Variants in RGL1 observed in about 807,000 individuals in gnomAD.
RGL1 encodes ral guanine nucleotide dissociation stimulator-like 1.
A neutral mutation model predicts 95.2 loss-of-function variants in RGL1; 24 were observed. That is an observed-to-expected ratio of 0.25 (90% confidence interval 0.18 to 0.35). The LOEUF (loss-of-function observed/expected upper bound fraction) is 0.35. RGL1 is among the 10% of genes least tolerant of loss of function. RGL1 has a pLI of 1.00. For synonymous variants in RGL1, 329 were observed against 344.9 expected (o/e 0.95, Z 0.51); for missense variants, 715 against 936.3 (o/e 0.76, Z 3.08).
chr1:183,854,517 C>T (rs1665019629), intron 3 of RGL1, among the ~76,000 whole-genome samples: 1 of 152,178 alleles, frequency 6.6e-6, no homozygotes, highest in African/African-American at 2.4e-5. Flanking sequence ...TTAGTGCAAC[C>T]AGTTCCTCCA....
chr1:183,834,856 A>T (rs978548388), intron 2 of RGL1, among the ~76,000 whole-genome samples: 11 of 150,634 alleles, frequency 7.3e-5, no homozygotes, highest in Non-Finnish European at 5.9e-5. Context: ...TAATTTTCTA[A>T]TTTTTTTTTA....
At chr1:183,763,320 T>C (rs1658802508) in intron 2 of RGL1, among the ~76,000 whole-genome samples, 1 of 152,108 alleles carries the variant, frequency 6.6e-6, no homozygotes. Flanking sequence ...TAAACCACTA[T>C]GGCACATGTA....
chr1:183,890,059 T>G (rs917089773), intron 8 of RGL1, among the ~76,000 whole-genome samples: 1 of 152,098 alleles, frequency 6.6e-6, no homozygotes, highest in Admixed American at 6.6e-5. Flanking sequence ...ATCAGAAGCA[T>G]GCAGTGTCCC....
chr1:183,807,622 T>C (rs1661432485), intron 2 of RGL1, among the ~76,000 whole-genome samples: 1 of 152,228 alleles, frequency 6.6e-6, no homozygotes, highest in Non-Finnish European at 1.5e-5. Flanking sequence ...GCCATGAGTC[T>C]GCTGACACAG....
At chr1:183,732,178 A>G (rs1656667370) in intron 1 of RGL1, among the ~76,000 whole-genome samples, 1 of 152,126 alleles carries the variant, frequency 6.6e-6, no homozygotes, top group Admixed American at 6.6e-5. Flanking sequence ...TATTTGCATG[A>G]TTGCTGTTGT....
At chr1:183,916,722 C>G (rs377011237) in intron 16 of RGL1, 21 bp downstream of exon 16, 13 of 1,602,130 alleles carry the variant, frequency 8.1e-6, no homozygotes, top group Non-Finnish European at 1.0e-5. Flanking sequence ...AGCCCTGACC[C>G]AGGAGCGGGT....
chr1:183,763,643 C>T (rs1310840193), intron 2 of RGL1, among the ~76,000 whole-genome samples: 2 of 152,204 alleles, frequency 1.3e-5, no homozygotes, highest in Admixed American at 1.3e-4. Flanking sequence ...CAGAGACAGA[C>T]TGGCCATGAT....
intron 2 of RGL1, among the ~76,000 whole-genome samples, chr1:183,811,984 C>G (rs530958542): frequency 6.6e-6 from 1 of 152,110 alleles, no homozygotes; most frequent in African/African-American, 2.4e-5. Flanking sequence ...AAATACTGTG[C>G]CTTTCCACTT....
At chr1:183,659,031 G>C (rs548628752) in intron 1 of RGL1, among the ~76,000 whole-genome samples, 24 of 151,990 alleles carry the variant, frequency 1.6e-4, no homozygotes, top group African/African-American at 5.6e-4. Flanking sequence ...AAACAGAAAG[G>C]ACATCCACAC....
intron 1 of RGL1, among the ~76,000 whole-genome samples, chr1:183,659,667 G>T (rs1274301973): frequency 2.0e-5 from 3 of 152,036 alleles, no homozygotes; most frequent in Non-Finnish European, 4.4e-5. Flanking sequence ...CCCCAATCTA[G>T]CAAGGCAGGC....
At chr1:183,740,228 A>G (rs1401600941) in intron 1 of RGL1, among the ~76,000 whole-genome samples, 1 of 152,114 alleles carries the variant, frequency 6.6e-6, no homozygotes, top group African/African-American at 2.4e-5. Context: ...ATGTGTCAGC[A>G]TCATTTATTA....
intron 3 of RGL1, among the ~76,000 whole-genome samples, chr1:183,849,712 A>G (rs1462392019): frequency 6.6e-6 from 1 of 151,868 alleles, no homozygotes; most frequent in Non-Finnish European, 1.5e-5. Context: ...GATGATCTCG[A>G]TCTCTTGACC....
At chr1:183,806,745 G>A (rs1169335273) in intron 2 of RGL1, among the ~76,000 whole-genome samples, 18 of 152,164 alleles carry the variant, frequency 1.2e-4, no homozygotes, top group Admixed American at 5.9e-4. Context: ...TAGATTGGGG[G>A]TGGAGTGGCA....
chr1:183,657,997 A>G (rs530763099), intron 1 of RGL1, among the ~76,000 whole-genome samples: 1 of 152,322 alleles, frequency 6.6e-6, no homozygotes, highest in South Asian at 2.1e-4. Flanking sequence ...CTGGTGTGAG[A>G]TTAGATCTTT....
At chr1:183,884,695 CT>C in intron 6 of RGL1, 27 bp from the exon 7 acceptor site, 1 of 1,599,764 alleles carries the variant, frequency 6.3e-7, no homozygotes, top group Non-Finnish European at 8.6e-7. Context: ...CTGTGTTGTC[CT>C]TAAAGTCAGT....
chr1:183,874,441 A>G (rs1445174517), intron 4 of RGL1, among the ~76,000 whole-genome samples: 1 of 151,734 alleles, frequency 6.6e-6, no homozygotes, highest in Non-Finnish European at 1.5e-5. Context: ...GCCCTCTCCC[A>G]CTCACATTTA....
At chr1:183,698,240 A>T (rs10911417) in intron 1 of RGL1, among the ~76,000 whole-genome samples, 1 of 152,280 alleles carries the variant, frequency 6.6e-6, no homozygotes, top group South Asian at 2.1e-4. Flanking sequence ...TGGTGGGCTC[A>T]GCCCTTGCGT....
At chr1:183,911,255 G>C (rs1237879691) in intron 14 of RGL1, among the ~76,000 whole-genome samples, 1 of 152,168 alleles carries the variant, frequency 6.6e-6, no homozygotes, top group East Asian at 1.9e-4. Context: ...TGACTTCATA[G>C]GAGACATTTT....
In RGL1 at chr1:183,842,332, CTT is replaced by C. The variant is rs5779189; in HGVS notation, c.139-5222_139-5221del. Among the ~76,000 whole-genome samples the C allele has an allele frequency of 5.4e-4, 79 of 146,428 alleles. No homozygotes were observed. The South Asian group carries it at 6.5e-3, about 12-fold the overall frequency. On this transcript the variant is annotated intron_variant, in intron 2 of 17. Transcript: ENST00000360851. The stretch of plus-strand genomic sequence containing the variant: ...TGAATTATTATTTTGATTGAAGGGA[CTT>C]TTTTTTTTTTTCAAATTAGAAACAC...
Sources: allele counts gnomAD v4.1 joint callset (sites outside exome capture counted in the v4.1 genomes callset), GRCh38; gene constraint gnomAD v4.1.1; transcripts MANE v1.5; gene names NCBI Gene and HGNC (gene_info 2026-07-23, HGNC 2026-07-21).